MPPED2: variants seen among roughly 807,000 people sequenced by gnomAD.
MPPED2 encodes metallophosphoesterase MPPED2.
In MPPED2, 5 loss-of-function variants were observed where a neutral mutation model predicts 33.0. The ratio of observed to expected loss-of-function variants is 0.15; its 90% CI spans 0.08 to 0.32. The LOEUF (loss-of-function observed/expected upper bound fraction) is 0.32. Among genes scored for constraint, MPPED2 ranks in the 10% least tolerant of loss-of-function variants. The probability of loss-of-function intolerance (pLI) is 1.00; values close to 1 mark genes in which losing one functional copy is unlikely to be tolerated. For synonymous variants in MPPED2, 136 were observed against 141.9 expected, an observed-to-expected ratio of 0.96 and a Z score of 0.29; for missense variants, 275 against 372.1, an observed-to-expected ratio of 0.74 and a Z score of 2.15.
At chr11:30,502,044 A>T (rs1952593288) in intron 3 of MPPED2, among the ~76,000 whole-genome samples, 1 of 151,974 alleles carries the variant, frequency 6.6e-6, no homozygotes, top group Non-Finnish European at 1.5e-5. Context: ...GAAAGATTTC[A>T]TCATTCTAAG....
intron 2 of MPPED2, among the ~76,000 whole-genome samples, chr11:30,575,773 G>A (rs891414346): frequency 2.6e-5 from 4 of 152,112 alleles, no homozygotes; most frequent in African/African-American, 9.7e-5. Flanking sequence ...TTCCATCCCC[G>A]CCTTGGGACT....
intron 4 of MPPED2, among the ~76,000 whole-genome samples, chr11:30,439,424 A>T (rs2133888588): frequency 6.6e-6 from 1 of 152,172 alleles, no homozygotes; most frequent in East Asian, 1.9e-4. Flanking sequence ...GTAGACTCAG[A>T]TGTTTCCTAT....
intron 2 of MPPED2, among the ~76,000 whole-genome samples, chr11:30,540,673 T>C (rs1258434455): frequency 2.6e-5 from 4 of 152,156 alleles, no homozygotes; most frequent in Non-Finnish European, 5.9e-5. Flanking sequence ...AGAAATCACA[T>C]ACACAACACC....
chr11:30,466,172 T>A (rs1231909660), intron 4 of MPPED2, among the ~76,000 whole-genome samples: 2 of 152,224 alleles, frequency 1.3e-5, no homozygotes, highest in African/African-American at 4.8e-5. Flanking sequence ...AAAGGTATTA[T>A]TATTTGTTCC....
chr11:30,497,916 A>G (rs1180289933), intron 3 of MPPED2, among the ~76,000 whole-genome samples: 2 of 152,196 alleles, frequency 1.3e-5, no homozygotes, highest in Non-Finnish European at 2.9e-5. Flanking sequence ...TCCAACTTCT[A>G]TCCTCTGTTA....
At chr11:30,405,895 T>G (rs2133715863), downstream of MPPED2, among the ~76,000 whole-genome samples, 1 of 152,262 alleles carries the variant, frequency 6.6e-6, no homozygotes, top group South Asian at 2.1e-4. Flanking sequence ...TTTCTACAAG[T>G]GTGGAATCTG....
chr11:30,493,101 G>A (rs1237324536), intron 4 of MPPED2, among the ~76,000 whole-genome samples: 1 of 152,078 alleles, frequency 6.6e-6, no homozygotes, highest in South Asian at 2.1e-4. Flanking sequence ...ATACCAACTC[G>A]TAAAGCTAGA....
intron 3 of MPPED2, among the ~76,000 whole-genome samples, chr11:30,511,230 G>A (rs1430875623): frequency 6.6e-6 from 1 of 152,152 alleles, no homozygotes; most frequent in East Asian, 1.9e-4. Flanking sequence ...CAACCTCCAA[G>A]AAATATTCCC....
At chr11:30,430,507 A>G (rs1160510449) in intron 4 of MPPED2, among the ~76,000 whole-genome samples, 1 of 152,242 alleles carries the variant, frequency 6.6e-6, no homozygotes, top group Admixed American at 6.5e-5. Flanking sequence ...TTACCTATGT[A>G]GTTCACGTTA....
chr11:30,571,125 A>G (rs1392969434), intron 2 of MPPED2, among the ~76,000 whole-genome samples: 2 of 151,688 alleles, frequency 1.3e-5, no homozygotes, highest in African/African-American at 4.8e-5. Flanking sequence ...TCTGTTCCCT[A>G]TATTCCATGG....
intron 3 of MPPED2, among the ~76,000 whole-genome samples, chr11:30,533,769 G>A (rs938793105): frequency 1.3e-5 from 2 of 152,160 alleles, no homozygotes; most frequent in African/African-American, 4.8e-5. Context: ...TGTCTCACCA[G>A]ATCATAGGGG....
At chr11:30,478,619 AAAC>A (rs1951328651) in intron 4 of MPPED2, among the ~76,000 whole-genome samples, 1 of 152,134 alleles carries the variant, frequency 6.6e-6, no homozygotes, top group Non-Finnish European at 1.5e-5. Context: ...ATCCATCTAA[AAAC>A]AAATGTTGTC....
Position 30,411,488 on chromosome 11 carries a change from G to C in MPPED2, c.865C>G (p.Pro289Ala). 1 of 1,613,598 alleles carries C rather than the reference G, an allele frequency of 6.2e-7. No homozygotes were observed. Among genetic ancestry groups the C allele is most frequent in the Non-Finnish European group, 8.5e-7 (1 of 1,179,606 alleles). Residue 289 changes from proline to alanine, a missense_variant, in exon 7 of 7, where the codon CCA becomes GCA. Coordinates refer to ENST00000358117, the MANE Select transcript of MPPED2 (RefSeq NM_001584.3). ...GAGCTTCAGGAACCCTGTGGGTTTG[G>C]AAGGTCAAATATAATTGGAGGGTTG... The part of the protein sequence containing the change: ...PTNPPIIFDL[P>A]NPQGS
At chr11:30,446,655 T>C (rs562630035) in intron 4 of MPPED2, among the ~76,000 whole-genome samples, 15 of 152,272 alleles carry the variant, frequency 9.9e-5, no homozygotes, top group South Asian at 4.1e-4. Context: ...AGAGAGCTCC[T>C]TGTATATTTC....
At chr11:30,574,051 G>A (rs1956817859) in intron 2 of MPPED2, among the ~76,000 whole-genome samples, 1 of 152,076 alleles carries the variant, frequency 6.6e-6, no homozygotes, top group Non-Finnish European at 1.5e-5. Flanking sequence ...TTACTTTATT[G>A]TTGAAGAAAC....
At chr11:30,462,575 T>G (rs1485414275) in intron 4 of MPPED2, among the ~76,000 whole-genome samples, 1 of 152,188 alleles carries the variant, frequency 6.6e-6, no homozygotes, top group Non-Finnish European at 1.5e-5. Flanking sequence ...ATGACTTCCT[T>G]TATTAAGGGG....
At chr11:30,436,213 A>G (rs1192424370) in intron 4 of MPPED2, among the ~76,000 whole-genome samples, 1 of 152,126 alleles carries the variant, frequency 6.6e-6, no homozygotes, top group African/African-American at 2.4e-5. Context: ...CTTTTGCTGT[A>G]TCTCCAATAG....
At chr11:30,400,911 G>C (rs1057350275) in intron 6 of MPPED2, among the ~76,000 whole-genome samples, 11 of 152,006 alleles carry the variant, frequency 7.2e-5, no homozygotes, top group Admixed American at 6.5e-4. Flanking sequence ...GGGACTACAG[G>C]TGCATGCCAC....
At chr11:30,430,149 A>T (rs973031507) in intron 4 of MPPED2, among the ~76,000 whole-genome samples, 3 of 152,210 alleles carry the variant, frequency 2.0e-5, no homozygotes, top group Non-Finnish European at 4.4e-5. Flanking sequence ...GGAGGAGGTT[A>T]GGAAAGGGCA....
Sources: allele counts gnomAD v4.1 joint callset (sites outside exome capture counted in the v4.1 genomes callset), GRCh38; gene constraint gnomAD v4.1.1; transcripts MANE v1.5; gene names NCBI Gene and HGNC (gene_info 2026-07-23, HGNC 2026-07-21).